The following CEP128 variants were observed in gnomAD, a reference collection of about 807,000 sequenced individuals.
The protein encoded by CEP128 is centrosomal protein 128.
Under a neutral mutation model 156.7 loss-of-function variants are expected in CEP128, and 132 were observed. The observed-to-expected ratio is 0.84, with a 90% CI of 0.73 to 0.97. CEP128 has a LOEUF of 0.97. CEP128 is among the 50% of genes least tolerant of loss of function. The pLI is 0.00. For synonymous variants in CEP128, 469 were observed against 448.9 expected (o/e 1.04, Z -0.57); for missense variants, 1,252 against 1,281.9 (o/e 0.98, Z 0.36).
At chr14:80,828,429 T>C (rs1474458763) in intron 13 of CEP128, among the ~76,000 whole-genome samples, 3 of 152,164 alleles carry the variant, frequency 2.0e-5, no homozygotes. Context: ...GGCCCCACTT[T>C]GAAATTTTTA....
chr14:80,581,128 A>T (rs1891574356), intron 19 of CEP128, among the ~76,000 whole-genome samples: 1 of 152,170 alleles, frequency 6.6e-6, no homozygotes, highest in Non-Finnish European at 1.5e-5. Context: ...TTAATTTATG[A>T]ACTTGCTATT....
At position 80,836,406 on chromosome 14, in the gene CEP128, T is replaced by G. The variant is rs183478521; in HGVS notation, c.925-69A>C. On this transcript the variant is annotated intron_variant, in intron 11 of 24. Transcript: ENST00000555265. The stretch of plus-strand genomic sequence containing the variant: ...GAAAGACCTACTTCAAATGGGCTAT[T>G]GTAAACACAAGTTGAATCCAGGTTA... The G allele has an allele frequency of 2.9e-4, 456 of 1,566,284 alleles. 3 individuals carry two copies. The East Asian group carries it at 0.01, about 35-fold the overall frequency.
At chr14:80,644,853 A>C (rs1022989571) in intron 19 of CEP128, among the ~76,000 whole-genome samples, 1 of 152,178 alleles carries the variant, frequency 6.6e-6, no homozygotes, top group Non-Finnish European at 1.5e-5. Context: ...TGCTCATGTT[A>C]TTTTAATGAA....
At chr14:80,485,353 A>G (rs1296780230) in intron 14 of CEP128, among the ~76,000 whole-genome samples, 6 of 142,024 alleles carry the variant, frequency 4.2e-5, no homozygotes, top group Admixed American at 3.6e-4. Flanking sequence ...TATTATCTCA[A>G]TATATACAAC....
chr14:80,717,996 T>C (rs115896035), intron 19 of CEP128, among the ~76,000 whole-genome samples: 2,081 of 151,906 alleles, frequency 0.014, 56 homozygotes, highest in African/African-American at 0.048. Context: ...TGTGTGTGTA[T>C]GTGTATGTGT....
chr14:80,840,740 T>C lies in CEP128; in HGVS notation c.791A>G (p.Asp264Gly), dbSNP rs1189510694. Reference protein sequence around the residue: ...EALKKQEAKADEHEGAIKNKL... With the variant: ...EALKKQEAKAGEHEGAIKNKL... Reference sequence around the variant, plus strand: ...ATTTTTTATTGCCCCCTCATGCTCATCTGCTTTAGCTTCTTGTTTCTTTAG... The same window carrying C: ...ATTTTTTATTGCCCCCTCATGCTCACCTGCTTTAGCTTCTTGTTTCTTTAG... The change falls in exon 10 of 25, where the codon GAT (aspartate) becomes GGT (glycine). Residue 264 changes from aspartate to glycine, a missense_variant. Coordinates refer to ENST00000555265, the MANE Select transcript of CEP128 (RefSeq NM_152446.5). 1 of 1,611,146 alleles carries C rather than the reference T, an allele frequency of 6.2e-7. No homozygotes were observed. The highest frequency in any genetic ancestry group is 1.7e-5 in the Admixed American group (1 of 59,788).
Position 80,759,462 on chromosome 14 carries a change from T to C in CEP128, c.2553+1975A>G, listed in dbSNP as rs927102533. ...AGAACTATAAACTACAAAACAAACA[T>C]AAATTTTATCTTTACCACACCCCTG... On this transcript the variant is annotated intron_variant, in intron 17 of 24. Transcript: ENST00000555265. Among the ~76,000 whole-genome samples the C allele has an allele frequency of 9.2e-5, 14 of 152,282 alleles. No homozygotes were observed. In the South Asian group the frequency reaches 2.9e-3, roughly 32 times the overall value.
chr14:80,899,525 A>G (rs1196503005), intron 7 of CEP128, among the ~76,000 whole-genome samples: 2 of 152,214 alleles, frequency 1.3e-5, no homozygotes, highest in Non-Finnish European at 2.9e-5. Context: ...TAAAAGCTAA[A>G]GTATTGGATT....
intron 23 of CEP128, among the ~76,000 whole-genome samples, chr14:80,517,212 AT>A (rs1888529635): frequency 6.7e-6 from 1 of 149,702 alleles, no homozygotes; most frequent in South Asian, 2.1e-4. Flanking sequence ...TAATTTATTT[AT>A]TTTTTAAATT....
At chr14:80,716,652 T>C (rs1233669485) in intron 19 of CEP128, among the ~76,000 whole-genome samples, 1 of 152,258 alleles carries the variant, frequency 6.6e-6, no homozygotes, top group Non-Finnish European at 1.5e-5. Flanking sequence ...CGTCAGCTGA[T>C]GGACATTCGG....
chr14:80,829,450 G>A (rs1031685832), intron 13 of CEP128, among the ~76,000 whole-genome samples: 1 of 152,042 alleles, frequency 6.6e-6, no homozygotes, highest in African/African-American at 2.4e-5. Flanking sequence ...TTACTATGTT[G>A]CCTAGGCTGG....
intron 13 of CEP128, among the ~76,000 whole-genome samples, chr14:80,800,829 G>C (rs1883799652): frequency 6.6e-6 from 1 of 152,190 alleles, no homozygotes; most frequent in Non-Finnish European, 1.5e-5. Context: ...TGAATGAGCA[G>C]GAGAGAACAG....
chr14:80,945,529 A>T (rs1160534756), upstream of CEP128: 1 of 152,154 alleles, frequency 6.6e-6, no homozygotes, highest in African/African-American at 2.4e-5. Flanking sequence ...GGGCCCCTAT[A>T]GCCTTGTTTA....
At chr14:80,707,787 A>G (rs1353879686) in intron 19 of CEP128, among the ~76,000 whole-genome samples, 1 of 152,196 alleles carries the variant, frequency 6.6e-6, no homozygotes, top group Non-Finnish European at 1.5e-5. Flanking sequence ...AAATACCACC[A>G]ATACCACAAG....
chr14:80,599,862 T>C (rs1892508421), intron 19 of CEP128, among the ~76,000 whole-genome samples: 1 of 152,096 alleles, frequency 6.6e-6, no homozygotes, highest in Non-Finnish European at 1.5e-5. Flanking sequence ...GTAGAAATAC[T>C]GGATTGAAAA....
intron 10 of CEP128, among the ~76,000 whole-genome samples, 195 bp from the exon 11 acceptor site, chr14:80,838,473 G>A (rs1443498449): frequency 1.3e-5 from 2 of 151,956 alleles, no homozygotes; most frequent in African/African-American, 4.8e-5. Context: ...ATAACATAAA[G>A]TGAACCAGAC....
At chr14:80,776,452 C>T (rs1479229065) in intron 16 of CEP128, among the ~76,000 whole-genome samples, 7 of 149,188 alleles carry the variant, frequency 4.7e-5, no homozygotes, top group Non-Finnish European at 1.0e-4. Context: ...TATTTCCTTG[C>T]TTTACCAATT....
intron 19 of CEP128, among the ~76,000 whole-genome samples, chr14:80,726,152 C>T (rs754379844): frequency 6.6e-6 from 1 of 152,190 alleles, no homozygotes; most frequent in Non-Finnish European, 1.5e-5. Context: ...ATGACCATGA[C>T]AGCCATGATG....
At chr14:80,626,308 C>T (rs1355440697) in intron 19 of CEP128, among the ~76,000 whole-genome samples, 1 of 150,230 alleles carries the variant, frequency 6.7e-6, no homozygotes. Context: ...ACTAAAAATA[C>T]AAAAAATTAG....
Sources: gnomAD v4.1 joint callset for allele counts (sites outside exome capture counted in the v4.1 genomes callset) on GRCh38, gnomAD v4.1.1 for gene constraint, MANE v1.5 for transcripts, NCBI Gene and HGNC (gene_info 2026-07-23, HGNC 2026-07-21) for gene names.